CUL9: variants seen among roughly 807,000 people sequenced by gnomAD.
CUL9 encodes the protein cullin-9.
Under a neutral mutation model 272.6 loss-of-function variants are expected in CUL9, and 79 were observed. The observed-to-expected ratio is 0.29, with a 90% CI of 0.24 to 0.35. CUL9 has a LOEUF of 0.35. Among genes scored for constraint, CUL9 ranks in the 10% least tolerant of loss-of-function variants. The pLI is 1.00. For synonymous variants in CUL9, 1,186 were observed against 1,286.5 expected (o/e 0.92, Z 1.67); for missense variants, 2,532 against 3,255.6 (o/e 0.78, Z 5.41).
chr6:43,221,339 G>A lies in CUL9; in HGVS notation c.6752+18G>A, dbSNP rs543918049. 26 of 1,592,702 alleles carry A rather than the reference G, an allele frequency of 1.6e-5. No individual in the cohort carries two copies. In the East Asian group the frequency reaches 5.6e-4, roughly 34 times the overall value. ...TGCCTGCAGTAAGAAGGGGGGTACT[G>A]TGGGGAGCCAGAGGGCAAGGAGGGG... On this transcript the variant is annotated intron_variant, in intron 34 of 40. Coordinates refer to ENST00000252050, the MANE Select transcript of CUL9 (RefSeq NM_015089.4). The surrounding 1 kb of genome is among the most constrained non-coding windows in gnomAD (Gnocchi z 4.2).
chr6:43,196,476 C>T, intron 10 of CUL9, 169 bp from the exon 11 acceptor site: 1 of 795,772 alleles, frequency 1.3e-6, no homozygotes, highest in East Asian at 2.5e-5. Flanking sequence ...ACTGACTTCC[C>T]TTTATGGGTT....
In CUL9 at chr6:43,221,593, C is replaced by G; in HGVS notation, c.6753-92C>G. On this transcript the variant is annotated intron_variant, in intron 34 of 40. Coordinates refer to ENST00000252050, the MANE Select transcript of CUL9 (RefSeq NM_015089.4). The surrounding 1 kb of genome is among the most constrained non-coding windows in gnomAD (Gnocchi z 4.2). ...ACTATCAGGGCAGGAGCAGAGGCCA[C>G]AGCATCAACAGCGGTACATCTGGGC... 1 of 1,195,896 alleles carries G rather than the reference C, an allele frequency of 8.4e-7. No homozygotes were observed. The allele number at this position is 1,195,896 out of a possible 1,614,324, so 74.1% of individuals were successfully genotyped here. A position where few individuals can be genotyped will look rare whatever the true frequency, so the allele number is the denominator to read the frequency against.
In CUL9 at chr6:43,206,681, C is replaced by T. The variant is rs1163078903; in HGVS notation, c.5212+171C>T. Among the ~76,000 whole-genome samples, 1 of 152,182 alleles carries T rather than the reference C, an allele frequency of 6.6e-6. No individual in the cohort carries two copies. The highest frequency in any genetic ancestry group is 1.5e-5 in the Non-Finnish European group (1 of 68,024). ...CATTAATTTCTGCTCTCATCAGTTT[C>T]TTCAACTTTCTATGAATTTGTTCTG... On this transcript the variant is annotated intron_variant, in intron 26 of 40. Transcript: ENST00000252050. The surrounding 1 kb of genome is among the most constrained non-coding windows in gnomAD (Gnocchi z 4.8).
chr6:43,201,975 C>T (rs900163420), intron 16 of CUL9, among the ~76,000 whole-genome samples: 4 of 152,082 alleles, frequency 2.6e-5, no homozygotes, highest in African/African-American at 4.8e-5. Flanking sequence ...TGGGAGTTTG[C>T]GCTGGAGGTA....
rs200063078 is a variant in CUL9, at chr6:43,222,404, A to G, written c.6921+14A>G. On this transcript the variant is annotated intron_variant, in intron 36 of 40. Transcript: ENST00000252050. ...CACCAGGCGCGGGTGAGTCGGGAGG[A>G]AACAGCGGGTAGATGCCTGCAGAAG... 2 of 1,613,366 alleles carry G rather than the reference A, an allele frequency of 1.2e-6. No individual in the cohort carries two copies. The highest frequency in any genetic ancestry group is 2.2e-5 in the South Asian group (2 of 91,038).
Position 43,221,177 on chromosome 6 carries a change from G to A in CUL9, c.6608G>A (p.Cys2203Tyr). The part of the protein sequence containing the change: ...SFPEAHYPAS[C>Y]GHMSQWVDDG... ...CCTTAGGCACACTACCCTGCTAGCT[G>A]TGGCCATATGTCTCAGTGGGTCGAC... The change falls in exon 34 of 41, where the codon TGT (cysteine) becomes TAT (tyrosine). Residue 2203 changes from cysteine (C) to tyrosine (Y), a missense_variant. Physicochemically the swap from Cys to Tyr is radical, Grantham distance 194 (BLOSUM62 -2). Transcript: ENST00000252050. The surrounding 1 kb of genome is among the most constrained non-coding windows in gnomAD (Gnocchi z 4.2). The A allele has an allele frequency of 6.2e-7, 1 of 1,611,424 alleles. No homozygotes were observed. Among genetic ancestry groups the A allele is most frequent in the Non-Finnish European group, 8.5e-7 (1 of 1,179,924 alleles).
chr6:43,186,416 C>T lies in CUL9; in HGVS notation c.1212C>T (p.Gly404=), dbSNP rs781457405. Residue 404 remains glycine, a synonymous_variant, in exon 4 of 41, where the codon GGC becomes GGT. Transcript: ENST00000252050. ...AGGAGATCAGTGCTGGGGACGAGGG[C>T]GAGTTCCGGCAGAGCAACAACGGCA... is the stretch of plus-strand genomic sequence containing the variant. The part of the protein sequence containing the change: ...DYEEISAGDE[G]EFRQSNNGIP... The T allele has an allele frequency of 2.9e-5, 46 of 1,602,102 alleles. No homozygotes were observed. The highest frequency in any genetic ancestry group is 1.2e-4 in the Admixed American group (7 of 59,690).
At chr6:43,211,092 C>A (rs915102841) in intron 26 of CUL9, among the ~76,000 whole-genome samples, 3 of 152,188 alleles carry the variant, frequency 2.0e-5, no homozygotes, top group African/African-American at 7.2e-5. Context: ...AGCTCTAACT[C>A]CCATATTAGT....
At chr6:43,215,039 T>C (rs779019354) in intron 29 of CUL9, 40 bp from the exon 30 acceptor site, 3 of 1,552,036 alleles carry the variant, frequency 1.9e-6, no homozygotes, top group Admixed American at 2.0e-5. Flanking sequence ...GCCTGCTCCC[T>C]ACATAAAAGT....
Position 43,220,838 on chromosome 6 carries a change from G to T in CUL9, c.6515G>T (p.Arg2172Leu), listed in dbSNP as rs772431379. The change falls in exon 33 of 41, where the codon CGC becomes CTC. Residue 2172 changes from arginine to leucine, a missense_variant. This residue lies in a region of CUL9 where 77 missense variants were observed against 161.1 expected (regional missense o/e 0.48). Coordinates refer to ENST00000252050, the MANE Select transcript of CUL9 (RefSeq NM_015089.4). This position sits in a 1 kb window ranked among gnomAD's most constrained non-coding sequence, Gnocchi z 4.9. ...NPQGCDRILC[R>L]QGLGCGTTCS... ...CAGGGCTGCGACCGCATCCTGTGCC[G>T]CCAGGGCCTGGGCTGTGGGACCACC... is the stretch of plus-strand genomic sequence containing the variant. The T allele has an allele frequency of 3.1e-6, 5 of 1,613,426 alleles. No individual in the cohort carries two copies. The highest frequency in any genetic ancestry group is 4.2e-6 in the Non-Finnish European group (5 of 1,179,962).
chr6:43,204,560 G>A (rs576543888), intron 21 of CUL9, 21 bp downstream of exon 21: 1 of 1,613,508 alleles, frequency 6.2e-7, no homozygotes, highest in African/African-American at 1.3e-5. Context: ...GCTGTGGCCA[G>A]TGGAGCTGAC....
At chr6:43,209,185 G>A (rs1775273772) in intron 26 of CUL9, among the ~76,000 whole-genome samples, 1 of 133,678 alleles carries the variant, frequency 7.5e-6, no homozygotes, top group Non-Finnish European at 1.6e-5. Flanking sequence ...TCACTGTGTC[G>A]CCCAGGCTGG....
At chr6:43,189,229 C>T (rs925539810) in intron 8 of CUL9, among the ~76,000 whole-genome samples, 9 of 150,316 alleles carry the variant, frequency 6.0e-5, no homozygotes, top group African/African-American at 1.5e-4. Context: ...CTTGCTATGT[C>T]GTCATGCTGG....
Position 43,216,494 on chromosome 6 carries a change from T to C in CUL9, c.6273T>C (p.Tyr2091=). The C allele has an allele frequency of 6.3e-7, 1 of 1,590,824 alleles. No homozygotes were observed. The highest frequency in any genetic ancestry group is 8.6e-7 in the Non-Finnish European group (1 of 1,162,486). Residue 2091 remains tyrosine, a synonymous_variant, in exon 31 of 41, where the codon TAT becomes TAC. Coordinates refer to ENST00000252050, the MANE Select transcript of CUL9 (RefSeq NM_015089.4). ...TGCCCTCTCTCTGCTGCATGCACTA[T>C]TGCTGTAAGGTGAGGCCCCACCAGC... ...DDLPSLCCMH[Y]CCKSCWNEYL...
chr6:43,211,810 A>T (rs573996566), intron 26 of CUL9, among the ~76,000 whole-genome samples: 23 of 152,324 alleles, frequency 1.5e-4, no homozygotes, highest in African/African-American at 4.6e-4. Flanking sequence ...GTTTAAAAAA[A>T]AAGGATACTA....
At position 43,198,870 on chromosome 6, in the gene CUL9, G is replaced by A. The variant is rs1774255349; in HGVS notation, c.3050+15G>A. 1 of 1,608,532 alleles carries A rather than the reference G, an allele frequency of 6.2e-7. No individual in the cohort carries two copies. The highest frequency in any genetic ancestry group is 8.5e-7 in the Non-Finnish European group (1 of 1,176,960). On this transcript the variant is annotated intron_variant, in intron 12 of 40. Coordinates refer to ENST00000252050, the MANE Select transcript of CUL9 (RefSeq NM_015089.4). ...TCTGTGCTGAGGTGAGGGGCCTGTT[G>A]AGGCACCATGCATTGGGACGAGGGA...
rs1772893615 is a variant in CUL9 at position 43,186,178 on chromosome 6, A to G, written c.974A>G (p.Glu325Gly). Residue 325 changes from glutamate to glycine, a missense_variant, in exon 4 of 41, where the codon GAA becomes GGA. Glu to Gly is a moderately conservative substitution (Grantham distance 98). Around this residue, in one of 3 missense-constraint regions of CUL9, gnomAD observed 2,218 missense variants for 2,788.6 expected, o/e 0.80. Transcript: ENST00000252050. ...ATGGGCTGGGCCCGGAACCTCAGCG[A>G]ACAGGGCATGTCACCTCCCCGGCCA... Reference protein sequence around the residue: ...RSMGWARNLSEQGMSPPRPTR... With the variant: ...RSMGWARNLSGQGMSPPRPTR... 18 of 1,614,240 alleles carry G rather than the reference A, an allele frequency of 1.1e-5. No homozygotes were observed. Among genetic ancestry groups the G allele is most frequent in the Non-Finnish European group, 1.4e-5 (17 of 1,180,032 alleles).
At chr6:43,216,565 T>C in intron 31 of CUL9, 62 bp downstream of exon 31, 10 of 1,429,486 alleles carry the variant, frequency 7.0e-6, no homozygotes, top group Non-Finnish European at 9.5e-6. Flanking sequence ...CAAAATTCCT[T>C]GGGAATTCTT....
At position 43,188,067 on chromosome 6, in the gene CUL9, C is replaced by T; in HGVS notation, c.1936C>T (p.Leu646=). Residue 646 remains leucine, a synonymous_variant, in exon 7 of 41, where the codon CTG becomes TTG. Transcript: ENST00000252050. Reference sequence around the variant, plus strand: ...TGATTCTCAGCTGTTTAACCAGCTTCTGGTGACTGAGGGGATGACCCTGCC... The same window carrying T: ...TGATTCTCAGCTGTTTAACCAGCTTTTGGTGACTGAGGGGATGACCCTGCC... ...QSDSQLFNQL[L]VTEGMTLPTE... The T allele has an allele frequency of 6.2e-7, 1 of 1,613,774 alleles. No homozygotes were observed. Among genetic ancestry groups the T allele is most frequent in the Non-Finnish European group, 8.5e-7 (1 of 1,180,014 alleles).
Sources: allele counts gnomAD v4.1 joint callset (sites outside exome capture counted in the v4.1 genomes callset), GRCh38; gene constraint gnomAD v4.1.1; regional missense constraint gnomAD v4.1.1; non-coding constraint Gnocchi (gnomAD v3.1); transcripts MANE v1.5; gene names NCBI Gene and HGNC (gene_info 2026-07-23, HGNC 2026-07-21).